Variants in GSTA1 observed in about 807,000 individuals in gnomAD.
GSTA1 encodes the protein glutathione S-transferase A1.
A neutral mutation model predicts 21.5 loss-of-function variants in GSTA1; 23 were observed. The ratio of observed to expected loss-of-function variants is 1.07; its 90% CI spans 0.77 to 1.52. GSTA1 has a LOEUF of 1.52. Ranked by LOEUF, GSTA1 falls within the 40% of genes most tolerant of loss-of-function variation. The pLI is 0.00. For missense variants in GSTA1, 301 were observed against 264.2 expected, an observed-to-expected ratio of 1.14 and a Z score of -0.96; for synonymous variants, 125 against 90.0, an observed-to-expected ratio of 1.39 and a Z score of -2.20.
rs188583110 is a variant in GSTA1, at chr6:52,802,259, A to T, written c.-31+1526T>A. Among the ~76,000 whole-genome samples, 942 of 152,322 alleles carry T rather than the reference A, an allele frequency of 6.2e-3. 10 individuals are homozygous for T. Among genetic ancestry groups the T allele is most frequent in the Non-Finnish European group, 0.011 (745 of 68,032 alleles). ...TAAGCTCTCATAATTCCAGGAGTAA[A>T]TTAAAGGAGTTACATTTACATCTCT... On this transcript the variant is annotated intron_variant, in intron 1 of 6. Transcript: ENST00000334575.
intron 1 of GSTA1, among the ~76,000 whole-genome samples, chr6:52,802,026 A>G (rs1763729640): frequency 6.6e-6 from 1 of 152,162 alleles, no homozygotes; most frequent in Non-Finnish European, 1.5e-5. Context: ...AAATGTTGGA[A>G]GGAGAGGACG....
Position 52,799,176 on chromosome 6 carries a change from C to T in GSTA1, c.87+5G>A. The T allele has an allele frequency of 1.2e-6, 2 of 1,613,058 alleles. No individual in the cohort carries two copies. The highest frequency in any genetic ancestry group is 1.7e-4 in the Middle Eastern group (1 of 6,050). On this transcript the variant is annotated splice_donor_5th_base_variant and intron_variant, in intron 2 of 6. Transcript: ENST00000334575. Reference sequence around the variant, plus strand: ...CAACTTAAGATGACCTAACTCAGAACCTACCTCTACTCCAGCTGCAGCCAG... The same window carrying T: ...CAACTTAAGATGACCTAACTCAGAATCTACCTCTACTCCAGCTGCAGCCAG...
chr6:52,794,166 T>G lies in GSTA1; in HGVS notation c.373A>C (p.Lys125Gln), dbSNP rs1051773. The change falls in exon 5 of 7, where the codon AAA (lysine) becomes CAA (glutamine). Residue 125 changes from lysine (K) to glutamine (Q), a missense_variant. Coordinates refer to ENST00000334575, the MANE Select transcript of GSTA1 (RefSeq NM_145740.5). ...AAGTAGCGATTTTTTATTTTCTCTT[T>G]GATCAAGGCAAGCTTGGCATCTTTT... is the stretch of plus-strand genomic sequence containing the variant. ...EEKDAKLALIKEKIKNRYFPA... is the reference protein window; with the variant it reads ...EEKDAKLALIQEKIKNRYFPA... 9.3e-6 allele frequency: 15 copies of G among 1,614,086 alleles called. No individual in the cohort carries two copies. The Admixed American group carries it at 1.0e-4, about 11-fold the overall frequency.
In GSTA1 at chr6:52,795,902, C is replaced by T. The variant is rs561961034; in HGVS notation, c.272+280G>A. ...GTCCTGAGCACCTGGAATCATGATT[C>T]CCCATCCTCCTCAGTTCATGGTTCA... On this transcript the variant is annotated intron_variant, in intron 4 of 6. Coordinates refer to ENST00000334575, the MANE Select transcript of GSTA1 (RefSeq NM_145740.5). Among the ~76,000 whole-genome samples the T allele has an allele frequency of 1.6e-3, 243 of 152,292 alleles. 1 individual carries two copies. Among genetic ancestry groups the T allele is most frequent in the African/African-American group, 5.6e-3 (234 of 41,562 alleles).
intron 3 of GSTA1, among the ~76,000 whole-genome samples, chr6:52,796,540 TA>T (rs1214985712): frequency 3.5e-5 from 2 of 57,102 alleles, no homozygotes; most frequent in African/African-American, 1.1e-4. Flanking sequence ...TATATATATA[TA>T]TATTTTTTTT....
chr6:52,796,446 A>C, intron 3 of GSTA1, 132 bp from the exon 4 acceptor site: 1 of 839,512 alleles, frequency 1.2e-6, no homozygotes, highest in Non-Finnish European at 1.8e-6. Flanking sequence ...ATTTCACTTG[A>C]AACAAAAACT....
intron 4 of GSTA1, among the ~76,000 whole-genome samples, chr6:52,795,791 C>T (rs1462489205): frequency 2.0e-5 from 3 of 152,118 alleles, no homozygotes; most frequent in Non-Finnish European, 2.9e-5. Flanking sequence ...GGCGTCTTTG[C>T]AACTTTCCCT....
At chr6:52,792,029 A>C (rs772785989) in intron 6 of GSTA1, 49 bp from the exon 7 acceptor site, 33 of 1,608,438 alleles carry the variant, frequency 2.1e-5, no homozygotes, top group South Asian at 8.9e-5. Context: ...GGCTGACACC[A>C]CCATTAACAT....
intron 1 of GSTA1, among the ~76,000 whole-genome samples, chr6:52,802,726 T>C (rs1415853022): frequency 6.6e-6 from 1 of 152,216 alleles, no homozygotes; most frequent in Non-Finnish European, 1.5e-5. Context: ...TGTCTCTTCA[T>C]CATCTATTAT....
chr6:52,800,040 T>C (rs1451233351), intron 1 of GSTA1, among the ~76,000 whole-genome samples: 3 of 152,226 alleles, frequency 2.0e-5, no homozygotes, highest in African/African-American at 7.2e-5. Flanking sequence ...CTGCAGCTTT[T>C]GTAATTCTGT....
chr6:52,800,099 T>C lies in GSTA1; in HGVS notation c.-30-802A>G, dbSNP rs1178197885. Among the ~76,000 whole-genome samples the C allele has an allele frequency of 5.3e-5, 8 of 152,214 alleles. No individual in the cohort carries two copies. The East Asian group carries it at 1.3e-3, about 26-fold the overall frequency. On this transcript the variant is annotated intron_variant, in intron 1 of 6. Transcript: ENST00000334575. ...TTGTTTTATAAGCTGGAAGAAGAGA[T>C]GTTGCTGCATTAATTTTGCAATATG...
At chr6:52,796,141 C>G in intron 4 of GSTA1, 41 bp downstream of exon 4, 1 of 1,611,346 alleles carries the variant, frequency 6.2e-7, no homozygotes, top group East Asian at 2.2e-5. Flanking sequence ...CTAAATCACT[C>G]TGTGTTCTCT....
In GSTA1 at chr6:52,794,258, A is replaced by AT. The variant is rs1284050982; in HGVS notation, c.280dup (p.Met94AsnfsTer11). The stretch of plus-strand genomic sequence containing the variant: ...CAAATCTGCTATACCTTCTATATAC[A>AT]TATCAATCCTGAAAGACAGAAACAA... On this transcript the variant is annotated frameshift_variant, in exon 5 of 7. Coordinates refer to ENST00000334575, the MANE Select transcript of GSTA1 (RefSeq NM_145740.5). LOFTEE classifies it high-confidence loss of function. 1 of 1,610,616 alleles carries AT rather than the reference A, an allele frequency of 6.2e-7. No homozygotes were observed. Among genetic ancestry groups the AT allele is most frequent in the African/African-American group, 1.3e-5 (1 of 74,734 alleles).
At chr6:52,799,944 T>G (rs1344841770) in intron 1 of GSTA1, among the ~76,000 whole-genome samples, 1 of 152,220 alleles carries the variant, frequency 6.6e-6, no homozygotes, top group Non-Finnish European at 1.5e-5. Flanking sequence ...AGACTACATT[T>G]GATCAAAACC....
intron 4 of GSTA1, among the ~76,000 whole-genome samples, chr6:52,795,366 T>C (rs1287167822): frequency 6.6e-6 from 1 of 152,254 alleles, no homozygotes. Context: ...CATTTATTGA[T>C]TGATGGATAT....
chr6:52,794,852 G>T (rs1344197346), intron 4 of GSTA1, among the ~76,000 whole-genome samples: 1 of 152,162 alleles, frequency 6.6e-6, no homozygotes, highest in African/African-American at 2.4e-5. Context: ...CCCCACCTAA[G>T]AATCCCCTTC....
intron 2 of GSTA1, among the ~76,000 whole-genome samples, chr6:52,797,840 A>C (rs149701928): frequency 2.0e-4 from 31 of 152,328 alleles, no homozygotes; most frequent in South Asian, 4.1e-4. Context: ...CATAGCTGCT[A>C]AATCTTTTAG....
At position 52,796,205 on chromosome 6, in the gene GSTA1, C is replaced by A. The variant is rs754274257; in HGVS notation, c.249G>T (p.Gly83=). 2 of 1,613,726 alleles carry A rather than the reference C, an allele frequency of 1.2e-6. No individual in the cohort carries two copies. Among genetic ancestry groups the A allele is most frequent in the African/African-American group, 2.7e-5 (2 of 74,940 alleles). ...NYIASKYNLY[G]KDIKERALID... ...ACAGGGCTCTCTCCTTTATGTCTTT[C>A]CCATAGAGGTTGTATTTGCTGGCAA... Residue 83 remains glycine (G), a synonymous_variant, in exon 4 of 7, where the codon GGG becomes GGT. Transcript: ENST00000334575.
rs764200244 is a variant in GSTA1 at position 52,796,193 on chromosome 6, C to T, written c.261G>A (p.Lys87=). ...SKYNLYGKDI[K]ERALIDMYIE... ...AAAATATACCGTACAGGGCTCTCTC[C>T]TTTATGTCTTTCCCATAGAGGTTGT... The change falls in exon 4 of 7, where the codon AAG becomes AAA. Residue 87 remains lysine, a synonymous_variant. Transcript: ENST00000334575. 36 of 1,613,644 alleles carry T rather than the reference C, an allele frequency of 2.2e-5. No homozygotes were observed. The highest frequency in any genetic ancestry group is 2.8e-5 in the Non-Finnish European group (33 of 1,179,864).
Sources: gnomAD v4.1 joint callset for allele counts (sites outside exome capture counted in the v4.1 genomes callset) on GRCh38, gnomAD v4.1.1 for gene constraint, MANE v1.5 for transcripts, NCBI Gene and HGNC (gene_info 2026-07-23, HGNC 2026-07-21) for gene names.